PSD4: variants seen among roughly 807,000 people sequenced by gnomAD.
The protein encoded by PSD4 is PH and SEC7 domain-containing protein 4.
PSD4 carries 59 observed loss-of-function variants against 112.5 expected under a neutral mutation model. That is an observed-to-expected ratio of 0.52 (90% CI 0.43 to 0.65). PSD4 has a LOEUF of 0.65. Ranked by LOEUF, PSD4 falls within the 30% of genes least tolerant of loss-of-function variation. The pLI, the probability that PSD4 is intolerant of heterozygous loss-of-function variation, is 0.00. For synonymous variants in PSD4, 533 were observed against 540.0 expected (o/e 0.99, Z 0.18); for missense variants, 1,267 against 1,352.6 (o/e 0.94, Z 0.99).
Position 113,201,680 on chromosome 2 carries a change from C to T in PSD4, c.*265C>T, listed in dbSNP as rs560561499. On this transcript the variant is annotated 3_prime_UTR_variant, in exon 17 of 17. Transcript: ENST00000245796. ...GCCCAAGGGAAGAGGGAGGTGAGGA[C>T]TTGACTTTCCTCCCAGAGCTCAGCC... 13 of 521,278 alleles carry T rather than the reference C, an allele frequency of 2.5e-5. No homozygotes were observed. The Admixed American group carries it at 4.5e-4, about 18-fold the overall frequency. 32.3% of individuals were successfully genotyped at this position (521,278 alleles called of 1,614,324 possible).
rs915624799 is a variant in PSD4, at chr2:113,199,124, C to T, written c.2811C>T (p.Ala937=). Residue 937 remains alanine, a synonymous_variant, in exon 16 of 17, where the codon GCC becomes GCT. Coordinates refer to ENST00000245796, the MANE Select transcript of PSD4 (RefSeq NM_012455.3). ...HRSHENCLDA[A]ADDLLDLQRN... is the part of the protein sequence containing the mutation. ...CCCACGAGAACTGCCTGGACGCTGC[C>T]GCGGACGACCTGCTGGATCTACAGA... 11 of 1,530,654 alleles carry T rather than the reference C, an allele frequency of 7.2e-6. No individual in the cohort carries two copies. Among genetic ancestry groups the T allele is most frequent in the Admixed American group, 4.1e-5 (2 of 49,380 alleles). The allele number at this position is 1,530,654 out of a possible 1,614,324, so 94.8% of individuals were successfully genotyped here.
intron 1 of PSD4, among the ~76,000 whole-genome samples, chr2:113,178,552 A>G (rs778049571): frequency 2.0e-5 from 3 of 151,874 alleles, no homozygotes; most frequent in Non-Finnish European, 4.4e-5. Context: ...GTACATATAC[A>G]TATCTATTTG....
rs1235762119 is a variant in PSD4 at position 113,183,580 on chromosome 2, G to T, written c.1056+68G>T. 3.6e-6 allele frequency: 5 copies of T among 1,379,976 alleles called. No individual in the cohort carries two copies. The African/African-American group carries it at 5.8e-5, about 16-fold the overall frequency. 85.5% of individuals were successfully genotyped at this position (1,379,976 alleles called of 1,614,324 possible). On this transcript the variant is annotated intron_variant, in intron 2 of 16. Transcript: ENST00000245796. ...ACAGAAGGGAGGGTCTTCCTCGGGG[G>T]TCACCAGGCCCAGAACATTCTTTTC... is the stretch of plus-strand genomic sequence containing the variant.
chr2:113,193,273 C>A lies in PSD4; in HGVS notation c.1935C>A (p.Ala645=). Residue 645 remains alanine (A), a synonymous_variant, in exon 8 of 17, where the codon GCC becomes GCA. Transcript: ENST00000245796. ...TCCTTTGCAGGAGCTTCCTCCAGGC[C>A]TTGGTGCTCAGTGGGGAGACTCAGG... ...LDRALRSFLQ[A]LVLSGETQER... is the part of the protein sequence containing the mutation. The A allele has an allele frequency of 6.3e-7, 1 of 1,588,288 alleles. No individual in the cohort carries two copies. Among genetic ancestry groups the A allele is most frequent in the South Asian group, 1.1e-5 (1 of 87,906 alleles).
chr2:113,206,513 G>T lies in PSD4; in HGVS notation c.*5098G>T, dbSNP rs1688865613. ...AGCCTGATCTTGCCCCAGTGGCCAG[G>T]CCCTTGAGTGGGACTGCCGGGAATT... On this transcript the variant is annotated 3_prime_UTR_variant, in exon 17 of 17. Coordinates refer to ENST00000245796, the MANE Select transcript of PSD4 (RefSeq NM_012455.3). The T allele has an allele frequency of 6.6e-6, 1 of 152,302 alleles. No homozygotes were observed. Among genetic ancestry groups the T allele is most frequent in the African/African-American group, 2.4e-5 (1 of 41,470 alleles). 9.4% of individuals were successfully genotyped at this position (152,302 alleles called of 1,614,324 possible). A position where few individuals can be genotyped will look rare whatever the true frequency, so the allele number is the denominator to read the frequency against.
At position 113,192,717 on chromosome 2, in the gene PSD4, A is replaced by G. The variant is rs923694; in HGVS notation, c.1838+128A>G. The G allele has an allele frequency of 9.8e-3, 9,512 of 974,628 alleles. 591 individuals are homozygous for G. The African/African-American group carries it at 0.13, about 14-fold the overall frequency. 60.4% of individuals were successfully genotyped at this position (974,628 alleles called of 1,614,324 possible). A position where few individuals can be genotyped will look rare whatever the true frequency, so the allele number is the denominator to read the frequency against. On this transcript the variant is annotated intron_variant, in intron 6 of 16. Coordinates refer to ENST00000245796, the MANE Select transcript of PSD4 (RefSeq NM_012455.3). ...CTGTTCCCTTCCCATCTCCCCTCCT[A>G]ACTTTTCCCCCATACCCTCACTGTA...
At position 113,176,425 on chromosome 2, in the gene PSD4, C is replaced by T. The variant is rs185340364; in HGVS notation, c.-112+2371C>T. Among the ~76,000 whole-genome samples, 283 of 152,328 alleles carry T rather than the reference C, an allele frequency of 1.9e-3. 2 individuals carry two copies. The highest frequency in any genetic ancestry group is 6.1e-3 in the African/African-American group (252 of 41,558). On this transcript the variant is annotated intron_variant, in intron 1 of 16. Coordinates refer to ENST00000245796, the MANE Select transcript of PSD4 (RefSeq NM_012455.3). ...CAGTATTCTCCATGAGAAACATACA[C>T]CCCCTCCCCACCGTGGTGAAGATTC... is the stretch of plus-strand genomic sequence containing the variant.
chr2:113,196,151 G>A lies in PSD4; in HGVS notation c.2230G>A (p.Glu744Lys), dbSNP rs777048007. 13 of 1,609,522 alleles carry A rather than the reference G, an allele frequency of 8.1e-6. No individual in the cohort carries two copies. In the Admixed American group the frequency reaches 1.0e-4, roughly 12 times the overall value. The change falls in exon 12 of 17, where the codon GAA (glutamate) becomes AAA (lysine). Residue 744 changes from glutamate (E) to lysine (K), a missense_variant. Around this residue, in one of 2 missense-constraint regions of PSD4, gnomAD observed 544 missense variants for 648.6 expected, o/e 0.84. Coordinates refer to ENST00000245796, the MANE Select transcript of PSD4 (RefSeq NM_012455.3). ...RSEKLEWAVD[E>K]EDTARPEKAQ... ...GCCCGATTCTCTGATGTTCAGGGAT[G>A]AAGAAGACACAGCCAGACCTGAGAA...
In PSD4 at chr2:113,201,756, T is replaced by G; in HGVS notation, c.*341T>G. ...CCAGAGTGGCCTCATTTCCTAGACT[T>G]GCTGAGAACTCAGCACTTGTTTGAG... On this transcript the variant is annotated 3_prime_UTR_variant, in exon 17 of 17. Transcript: ENST00000245796. 1 of 323,092 alleles carries G rather than the reference T, an allele frequency of 3.1e-6. No homozygotes were observed. The highest frequency in any genetic ancestry group is 5.9e-6 in the Non-Finnish European group (1 of 170,706). 20.0% of individuals were successfully genotyped at this position (323,092 alleles called of 1,614,324 possible).
At chr2:113,183,737 ATAAT>A in intron 2 of PSD4, among the ~76,000 whole-genome samples, 1 of 152,336 alleles carries the variant, frequency 6.6e-6, no homozygotes, top group East Asian at 1.9e-4. Context: ...ATGTCAGCTG[ATAAT>A]TAAGTCCATA....
At chr2:113,196,100 T>G in intron 11 of PSD4, 47 bp from the exon 12 acceptor site, 1 of 1,583,834 alleles carries the variant, frequency 6.3e-7, no homozygotes, top group South Asian at 1.1e-5. Flanking sequence ...TACCTCCCAG[T>G]TCTCTTTGCA....
intron 8 of PSD4, 60 bp from the exon 9 acceptor site, chr2:113,193,532 G>A: frequency 6.4e-7 from 1 of 1,559,640 alleles, no homozygotes; most frequent in African/African-American, 1.4e-5. Flanking sequence ...AGTGTGGGCA[G>A]AGGAAACAGG....
At chr2:113,196,403 C>A in intron 12 of PSD4, 96 bp downstream of exon 12, 1 of 1,430,654 alleles carries the variant, frequency 7.0e-7, no homozygotes, top group Non-Finnish European at 9.4e-7. Flanking sequence ...GAGAGACAGC[C>A]CGCGTTGAGG....
Position 113,196,041 on chromosome 2 carries a change from G to A in PSD4, c.2226-106G>A, listed in dbSNP as rs1688599474. ...GACTCCTTGTGGGGGGTCCTGGGGT[G>A]TGGCTTCCCAGGAAAAGAGAGGTTG... is the stretch of plus-strand genomic sequence containing the variant. On this transcript the variant is annotated intron_variant, in intron 11 of 16. Coordinates refer to ENST00000245796, the MANE Select transcript of PSD4 (RefSeq NM_012455.3). The A allele has an allele frequency of 4.9e-6, 7 of 1,422,322 alleles. No homozygotes were observed. The East Asian group carries it at 1.4e-4, about 28-fold the overall frequency. 88.1% of individuals were successfully genotyped at this position (1,422,322 alleles called of 1,614,324 possible).
At position 113,185,025 on chromosome 2, in the gene PSD4, A is replaced by G. The variant is rs1463327008; in HGVS notation, c.1125A>G (p.Gly375=). 1 of 1,614,230 alleles carries G rather than the reference A, an allele frequency of 6.2e-7. No homozygotes were observed. Among genetic ancestry groups the G allele is most frequent in the Non-Finnish European group, 8.5e-7 (1 of 1,180,038 alleles). The change falls in exon 3 of 17, where the codon GGA becomes GGG. Residue 375 remains glycine, a synonymous_variant. Coordinates refer to ENST00000245796, the MANE Select transcript of PSD4 (RefSeq NM_012455.3). ...ACGAAGCATTGACCTGGGAATCAGG[A>G]TGTGTCGGATCTGATCTTGGCCCTG... ...CVDEALTWES[G]CVGSDLGPAA...
In PSD4 at chr2:113,196,175, A is replaced by G; in HGVS notation, c.2254A>G (p.Lys752Glu). 1.2e-6 allele frequency: 2 copies of G among 1,613,438 alleles called. No individual in the cohort carries two copies. The highest frequency in any genetic ancestry group is 1.7e-6 in the Non-Finnish European group (2 of 1,179,406). ...VDEEDTARPE[K>E]AQPSLPAGKM... is the part of the protein sequence containing the mutation. ...TGAAGAAGACACAGCCAGACCTGAG[A>G]AGGCCCAGCCGTCCCTGCCAGCTGG... The change falls in exon 12 of 17, where the codon AAG becomes GAG. Residue 752 changes from lysine to glutamate, a missense_variant. Physicochemically the swap from Lys to Glu is moderately conservative, Grantham distance 56 (BLOSUM62 1). Coordinates refer to ENST00000245796, the MANE Select transcript of PSD4 (RefSeq NM_012455.3).
chr2:113,187,692 C>T (rs1688337396), intron 5 of PSD4, among the ~76,000 whole-genome samples: 1 of 152,216 alleles, frequency 6.6e-6, no homozygotes, highest in Admixed American at 6.5e-5. Context: ...GTTATTTAAG[C>T]ATTCATTATC....
At chr2:113,197,440 G>A in intron 12 of PSD4, 124 bp from the exon 13 acceptor site, 1 of 943,524 alleles carries the variant, frequency 1.1e-6, no homozygotes, top group Non-Finnish European at 1.7e-6. Context: ...GCATTTGTGT[G>A]CATCCTGGTG....
In PSD4 at chr2:113,174,677, G is replaced by C. The variant is rs1687920782; in HGVS notation, c.-112+623G>C. Among the ~76,000 whole-genome samples the C allele has an allele frequency of 2.0e-5, 3 of 152,270 alleles. No homozygotes were observed. The South Asian group carries it at 6.2e-4, about 32-fold the overall frequency. On this transcript the variant is annotated intron_variant, in intron 1 of 16. Coordinates refer to ENST00000245796, the MANE Select transcript of PSD4 (RefSeq NM_012455.3). Reference sequence around the variant, plus strand: ...AGAGGTAAGGGGACCCTCCTTACTGGTTTAGCTCTGGCTTAGGCCTGTTGT... The same window carrying C: ...AGAGGTAAGGGGACCCTCCTTACTGCTTTAGCTCTGGCTTAGGCCTGTTGT...
Sources: gnomAD v4.1 joint callset for allele counts (sites outside exome capture counted in the v4.1 genomes callset) on GRCh38, gnomAD v4.1.1 for gene constraint, gnomAD v4.1.1 regional missense constraint, MANE v1.5 for transcripts, NCBI Gene and HGNC (gene_info 2026-07-23, HGNC 2026-07-21) for gene names.